Variants in FHIT observed in about 807,000 individuals in gnomAD.
FHIT encodes bis(5'-adenosyl)-triphosphatase.
A neutral mutation model predicts 17.9 loss-of-function variants in FHIT; 19 were observed. The ratio of observed to expected loss-of-function variants is 1.06; its 90% CI spans 0.74 to 1.56. The LOEUF (loss-of-function observed/expected upper bound fraction) is 1.56, where lower values mean the gene tolerates loss of function less well. Among genes scored for constraint, FHIT ranks in the 40% most tolerant of loss-of-function variants. The pLI, the probability that FHIT is intolerant of heterozygous loss-of-function variation, is 0.00. For missense variants in FHIT, 248 were observed against 189.2 expected (o/e 1.31, Z -1.82); for synonymous variants, 81 against 69.7 (o/e 1.16, Z -0.81).
chr3:60,472,386 T>A (rs1158509864), intron 5 of FHIT, among the ~76,000 whole-genome samples: 2 of 150,788 alleles, frequency 1.3e-5, no homozygotes, highest in African/African-American at 4.9e-5. Flanking sequence ...TTTTTTTTTT[T>A]GAGACGAAGT....
At chr3:60,787,873 G>C in intron 4 of FHIT, among the ~76,000 whole-genome samples, 1 of 152,090 alleles carries the variant, frequency 6.6e-6, no homozygotes, top group East Asian at 1.9e-4. Context: ...CAGGTTGTTG[G>C]GGTGGGTTTT....
intron 5 of FHIT, among the ~76,000 whole-genome samples, chr3:60,102,105 A>C (rs1704216408): frequency 6.6e-6 from 1 of 152,220 alleles, no homozygotes. Flanking sequence ...AATCATGGCT[A>C]AATCGTACCT....
At chr3:61,172,383 GA>G (rs2038031214) in intron 2 of FHIT, among the ~76,000 whole-genome samples, 1 of 152,112 alleles carries the variant, frequency 6.6e-6, no homozygotes, top group South Asian at 2.1e-4. Flanking sequence ...TTCATGTAAG[GA>G]AAAGGACATA....
intron 7 of FHIT, among the ~76,000 whole-genome samples, chr3:59,968,868 T>C (rs1477513539): frequency 6.6e-6 from 1 of 152,206 alleles, no homozygotes; most frequent in Non-Finnish European, 1.5e-5. Context: ...GCCAGATTTC[T>C]GGGAGCCTTT....
intron 5 of FHIT, among the ~76,000 whole-genome samples, chr3:60,448,160 T>A (rs1363302256): frequency 6.6e-6 from 1 of 152,140 alleles, no homozygotes; most frequent in Non-Finnish European, 1.5e-5. Context: ...GTGGATCTCT[T>A]GAGAGGGCTT....
intron 4 of FHIT, among the ~76,000 whole-genome samples, chr3:60,662,886 T>A (rs1553691522): frequency 1.3e-5 from 2 of 151,868 alleles, no homozygotes; most frequent in African/African-American, 4.8e-5. Context: ...AATTCTATGA[T>A]CCACTTTGAG....
In FHIT at chr3:60,130,784, G is replaced by GTGTGTATATACACACATATATGTGTGT. The variant is rs148356992; in HGVS notation, c.104-116633_104-116632insACACACATATATGTGTGTATATACACA. ...TGTGTGTTTGTGTGTGTGTGTGTGT[G>GTGTGTATATACACACATATATGTGTGT]GTGTGTATATACACACATATATATG... On this transcript the variant is annotated intron_variant, in intron 5 of 9. Coordinates refer to ENST00000492590, the MANE Select transcript of FHIT (RefSeq NM_002012.4). Among the ~76,000 whole-genome samples the GTGTGTATATACACACATATATGTGTGT allele has an allele frequency of 1.8e-4, 20 of 111,728 alleles. No individual in the cohort carries two copies. The East Asian group carries it at 2.8e-3, about 16-fold the overall frequency. The allele number at this position is 111,728 out of a possible 152,430, so 73.3% of individuals were successfully genotyped here.
At chr3:60,371,741 T>C (rs1700338796) in intron 5 of FHIT, among the ~76,000 whole-genome samples, 1 of 152,122 alleles carries the variant, frequency 6.6e-6, no homozygotes, top group Admixed American at 6.5e-5. Flanking sequence ...AAATTGATTT[T>C]ATGGTCATTT....
chr3:60,419,825 T>G (rs1353774764), intron 5 of FHIT, among the ~76,000 whole-genome samples: 3 of 152,166 alleles, frequency 2.0e-5, no homozygotes, highest in South Asian at 4.1e-4. Flanking sequence ...TCTTAATGGG[T>G]AAAATGGGCA....
chr3:59,929,797 A>T (rs1705873450), intron 7 of FHIT, among the ~76,000 whole-genome samples: 1 of 152,160 alleles, frequency 6.6e-6, no homozygotes, highest in African/African-American at 2.4e-5. Flanking sequence ...ATCACCAGTT[A>T]ATCTCACTAC....
At chr3:60,145,247 G>C (rs1464029313) in intron 5 of FHIT, among the ~76,000 whole-genome samples, 1 of 151,980 alleles carries the variant, frequency 6.6e-6, no homozygotes, top group Non-Finnish European at 1.5e-5. Context: ...AAGGTTTTTT[G>C]TCTAAATTTT....
chr3:60,867,384 C>T (rs1434233109), intron 3 of FHIT, among the ~76,000 whole-genome samples: 2 of 152,260 alleles, frequency 1.3e-5, no homozygotes, highest in East Asian at 1.9e-4. Flanking sequence ...TAGACATTTA[C>T]ATATCAAAGA....
At chr3:60,129,171 G>A (rs1255993911) in intron 5 of FHIT, among the ~76,000 whole-genome samples, 1 of 149,652 alleles carries the variant, frequency 6.7e-6, no homozygotes, top group Non-Finnish European at 1.5e-5. Context: ...TTCTGCCTCA[G>A]CCTCCCAAGT....
intron 3 of FHIT, among the ~76,000 whole-genome samples, chr3:60,843,985 A>G (rs144832340): frequency 7.7e-4 from 118 of 152,312 alleles, no homozygotes; most frequent in Middle Eastern, 3.4e-3. Context: ...GAGAAATAGC[A>G]GTGAAAAATA....
chr3:60,565,961 T>C (rs1449521879), intron 4 of FHIT, among the ~76,000 whole-genome samples: 1 of 152,200 alleles, frequency 6.6e-6, no homozygotes, highest in Non-Finnish European at 1.5e-5. Context: ...GTATGTTGTG[T>C]CTTTGTTCTC....
chr3:60,382,436 A>T (rs1284497702), intron 5 of FHIT, among the ~76,000 whole-genome samples: 1 of 152,266 alleles, frequency 6.6e-6, no homozygotes, highest in Non-Finnish European at 1.5e-5. Flanking sequence ...TAAAGTCCTG[A>T]ATACGATCCG....
chr3:60,872,041 G>T (rs2107072265), intron 3 of FHIT, among the ~76,000 whole-genome samples: 1 of 152,106 alleles, frequency 6.6e-6, no homozygotes, highest in East Asian at 1.9e-4. Flanking sequence ...TCTGTAATAT[G>T]AGCAGGTGAA....
chr3:61,180,027 G>A (rs758825756), intron 2 of FHIT, among the ~76,000 whole-genome samples: 1 of 152,136 alleles, frequency 6.6e-6, no homozygotes, highest in Non-Finnish European at 1.5e-5. Context: ...ACTAGACCAA[G>A]AAGAAAAGAT....
chr3:59,771,491 G>A (rs538633980), intron 8 of FHIT, among the ~76,000 whole-genome samples: 1 of 152,340 alleles, frequency 6.6e-6, no homozygotes, highest in East Asian at 1.9e-4. Flanking sequence ...TACATTTGGG[G>A]TATGTTTGAG....
Sources: allele counts gnomAD v4.1 joint callset (sites outside exome capture counted in the v4.1 genomes callset), GRCh38; gene constraint gnomAD v4.1.1; transcripts MANE v1.5; gene names NCBI Gene and HGNC (gene_info 2026-07-23, HGNC 2026-07-21).